The following AHDC1 variants were observed in gnomAD, a reference collection of about 807,000 sequenced individuals.
AHDC1 encodes transcription factor Gibbin.
Under a neutral mutation model 87.9 loss-of-function variants are expected in AHDC1, and 7 were observed. The ratio of observed to expected loss-of-function variants is 0.08; its 90% CI spans 0.05 to 0.15. The LOEUF is 0.15. AHDC1 is among the 10% of genes least tolerant of loss of function. The probability of loss-of-function intolerance (pLI) is 1.00; values close to 1 mark genes in which losing one functional copy is unlikely to be tolerated. For synonymous variants in AHDC1, 1,051 were observed against 1,006.8 expected, an observed-to-expected ratio of 1.04 and a Z score of -0.83; for missense variants, 1,841 against 2,253.2, an observed-to-expected ratio of 0.82 and a Z score of 3.70.
chr1:27,547,544 G>A lies in AHDC1; in HGVS notation c.4572C>T (p.Pro1524=). Residue 1524 remains proline (P), a synonymous_variant, in exon 8 of 9, where the codon CCC becomes CCT. Coordinates refer to ENST00000673934, the MANE Select transcript of AHDC1 (RefSeq NM_001371928.1). The surrounding 1 kb of genome is among the most constrained non-coding windows in gnomAD (Gnocchi z 4.9). ...CAGCAGGGCCACGGGGTGGGCCAGG[G>A]GGCCGGGCCATTTCCAGTGGCTCCT... is the stretch of plus-strand genomic sequence containing the variant. ...ADKEPLEMAR[P]PGPPRGPAAA... 1 of 1,611,332 alleles carries A rather than the reference G, an allele frequency of 6.2e-7. No individual in the cohort carries two copies. Among genetic ancestry groups the A allele is most frequent in the East Asian group, 2.2e-5 (1 of 44,842 alleles).
At chr1:27,541,532 T>C (rs2018918528) in intron 8 of AHDC1, among the ~76,000 whole-genome samples, 1 of 151,986 alleles carries the variant, frequency 6.6e-6, no homozygotes, top group Non-Finnish European at 1.5e-5. Flanking sequence ...TTGGCCAGGC[T>C]GGTCTCAAAC....
chr1:27,589,942 G>C (rs2089177407), intron 3 of AHDC1, among the ~76,000 whole-genome samples: 1 of 151,714 alleles, frequency 6.6e-6, no homozygotes, highest in Non-Finnish European at 1.5e-5. Flanking sequence ...TGCTGCACCA[G>C]GCTCATTCTG....
In AHDC1 at chr1:27,550,952, A is replaced by T. The variant is rs749604308; in HGVS notation, c.1164T>A (p.Asp388Glu). The change falls in exon 8 of 9, where the codon GAT (aspartate) becomes GAA (glutamate). Residue 388 changes from aspartate (D) to glutamate (E), a missense_variant. Asp to Glu is a conservative substitution (Grantham distance 45). Transcript: ENST00000673934. ...GCCGGCGACACAGGATCTTTGGCCT[A>T]TCAGTGCGCCGCAAGGCGTACTTGG... ...GHPKYALRRTDRPKILCRRRK... is the reference protein window; with the variant it reads ...GHPKYALRRTERPKILCRRRK... 11 of 1,598,588 alleles carry T rather than the reference A, an allele frequency of 6.9e-6. No individual in the cohort carries two copies. Among genetic ancestry groups the T allele is most frequent in the Non-Finnish European group, 9.3e-6 (11 of 1,178,392 alleles).
rs2020281553 is a variant in AHDC1, at chr1:27,565,544, ATTCTGTC to A, written c.-628-6668_-628-6662del. ...GATTCCACCCATGCCCTGGACAAAC[ATTCTGTC>A]TGGTGTCCCCCGGCGCTGGTGAGCA... On this transcript the variant is annotated intron_variant, in intron 3 of 8. Coordinates refer to ENST00000673934, the MANE Select transcript of AHDC1 (RefSeq NM_001371928.1). The surrounding 1 kb of genome is among the most constrained non-coding windows in gnomAD (Gnocchi z 4.6). 6.6e-6 allele frequency among the ~76,000 whole-genome samples: 1 copy of A among 152,168 alleles called. No homozygotes were observed. The highest frequency in any genetic ancestry group is 6.5e-5 in the Admixed American group (1 of 15,286).
At position 27,549,272 on chromosome 1, in the gene AHDC1, C is replaced by T. The variant is rs1557661161; in HGVS notation, c.2844G>A (p.Val948=). The part of the protein sequence containing the change: ...CRAAETFPKL[V]PPPSAMARSP... ...AGCGGGCCATGGCTGAGGGCGGGGG[C>T]ACCAGCTTGGGGAAGGTCTCGGCTG... The change falls in exon 8 of 9, where the codon GTG becomes GTA. Residue 948 remains valine (V), a synonymous_variant. Coordinates refer to ENST00000673934, the MANE Select transcript of AHDC1 (RefSeq NM_001371928.1). 2 of 1,603,328 alleles carry T rather than the reference C, an allele frequency of 1.2e-6. No homozygotes were observed. Among genetic ancestry groups the T allele is most frequent in the Non-Finnish European group, 1.7e-6 (2 of 1,172,942 alleles).
intron 3 of AHDC1, among the ~76,000 whole-genome samples, chr1:27,581,837 C>T (rs2088917290): frequency 6.6e-6 from 1 of 152,240 alleles, no homozygotes; most frequent in Admixed American, 6.5e-5. Context: ...GCCCCACCAA[C>T]CTCCTGGCTG....
chr1:27,553,227 T>TGC (rs2019658158), intron 5 of AHDC1, 42 bp from the exon 6 acceptor site: 1 of 152,598 alleles, frequency 6.6e-6, no homozygotes, highest in Admixed American at 6.5e-5. Flanking sequence ...GAGCACCTAC[T>TGC]GCGCGCCAGG....
Position 27,550,523 on chromosome 1 carries a change from T to C in AHDC1, c.1593A>G (p.Val531=). 1 of 1,610,958 alleles carries C rather than the reference T, an allele frequency of 6.2e-7. No homozygotes were observed. Among genetic ancestry groups the C allele is most frequent in the South Asian group, 1.1e-5 (1 of 91,042 alleles). ...GCATCTCACCGGGTGGGAAGACCAC[T>C]ACCACGTTCCGCCCATTGTTCTTCA... ...LKMKNNGRNV[V]VVFPPGEMPI... The change falls in exon 8 of 9, where the codon GTA becomes GTG. Residue 531 remains valine, a synonymous_variant. Transcript: ENST00000673934.
In AHDC1 at chr1:27,547,183, C is replaced by T. The variant is rs2019206163; in HGVS notation, c.*43+78G>A. 1.9e-6 allele frequency: 2 copies of T among 1,067,142 alleles called. No individual in the cohort carries two copies. Among genetic ancestry groups the T allele is most frequent in the Admixed American group, 2.4e-5 (1 of 41,976 alleles). 66.1% of individuals were successfully genotyped at this position (1,067,142 alleles called of 1,614,324 possible). A position where few individuals can be genotyped will look rare whatever the true frequency, so the allele number is the denominator to read the frequency against. On this transcript the variant is annotated intron_variant, in intron 8 of 8. Coordinates refer to ENST00000673934, the MANE Select transcript of AHDC1 (RefSeq NM_001371928.1). This position sits in a 1 kb window ranked among gnomAD's most constrained non-coding sequence, Gnocchi z 4.9. ...TGCATTTGCTTCCTGCACTCCATAC[C>T]TCTGTCCTTGCCTAAGCTCTGATGT...
intron 8 of AHDC1, among the ~76,000 whole-genome samples, chr1:27,541,230 G>A (rs1462434113): frequency 2.0e-5 from 3 of 152,164 alleles, no homozygotes; most frequent in Non-Finnish European, 2.9e-5. Context: ...TGCTCACAAC[G>A]GTTTTAGAGG....
Position 27,549,665 on chromosome 1 carries a change from G to A in AHDC1, c.2451C>T (p.Tyr817=), listed in dbSNP as rs1263801890. The A allele has an allele frequency of 3.1e-6, 5 of 1,613,030 alleles. No homozygotes were observed. The highest frequency in any genetic ancestry group is 1.3e-5 in the African/African-American group (1 of 74,940). ...ESGASGRGSY[Y]STGAPSGQTE... Reference sequence around the variant, plus strand: ...TCTGGCCTGAGGGTGCACCCGTGCTGTAGTAGCTGCCACGGCCTGAGGCTC... The same window carrying A: ...TCTGGCCTGAGGGTGCACCCGTGCTATAGTAGCTGCCACGGCCTGAGGCTC... The change falls in exon 8 of 9, where the codon TAC becomes TAT. Residue 817 remains tyrosine, a synonymous_variant. Transcript: ENST00000673934.
Position 27,548,485 on chromosome 1 carries a change from C to T in AHDC1, c.3631G>A (p.Ala1211Thr), listed in dbSNP as rs777977932. 1.2e-6 allele frequency: 2 copies of T among 1,613,892 alleles called. No homozygotes were observed. Among genetic ancestry groups the T allele is most frequent in the African/African-American group, 2.7e-5 (2 of 75,064 alleles). ...LEKLMMDWNEASSAPGYNWNQ... is the reference protein window; with the variant it reads ...LEKLMMDWNETSSAPGYNWNQ... ...CAGTTGTAGCCGGGGGCAGATGATG[C>T]CTCGTTCCAGTCCATCATCAGTTTC... The change falls in exon 8 of 9, where the codon GCA (alanine) becomes ACA (threonine). Residue 1211 changes from alanine (A) to threonine (T), a missense_variant. Ala to Thr is a moderately conservative substitution (Grantham distance 58). Around this residue, in one of 13 missense-constraint regions of AHDC1, gnomAD observed 505 missense variants for 626.2 expected, o/e 0.81. Coordinates refer to ENST00000673934, the MANE Select transcript of AHDC1 (RefSeq NM_001371928.1).
chr1:27,551,329 CCTGGGCCTCTAGCAG>C lies in AHDC1; in HGVS notation c.772_786del (p.Leu258_Gln262del), dbSNP rs1358713086. 1.2e-6 allele frequency: 2 copies of C among 1,612,898 alleles called. No homozygotes were observed. Among genetic ancestry groups the C allele is most frequent in the African/African-American group, 1.3e-5 (1 of 74,936 alleles). On this transcript the variant is annotated inframe_deletion, in exon 8 of 9. Coordinates refer to ENST00000673934, the MANE Select transcript of AHDC1 (RefSeq NM_001371928.1). ...GGCTCGGGCGATGGTGGCTCGAGGG[CCTGGGCCTCTAGCAG>C]CTGGGCCTCTGGGCAAGTGAGGGAG...
chr1:27,598,294 G>T lies in AHDC1; in HGVS notation c.-629+5103C>A, dbSNP rs1459413096. The stretch of plus-strand genomic sequence containing the variant: ...AGGGCCTCATTGCAGTTGGGTTTGT[G>T]TGTGTGGTGGAGGGGGCTGGAAGGG... On this transcript the variant is annotated intron_variant, in intron 3 of 8. Coordinates refer to ENST00000673934, the MANE Select transcript of AHDC1 (RefSeq NM_001371928.1). The surrounding 1 kb of genome is among the most constrained non-coding windows in gnomAD (Gnocchi z 4.2). 3.3e-5 allele frequency among the ~76,000 whole-genome samples: 5 copies of T among 152,226 alleles called. No homozygotes were observed. Among genetic ancestry groups the T allele is most frequent in the Non-Finnish European group, 7.3e-5 (5 of 68,030 alleles).
rs759497661 is a variant in AHDC1, at chr1:27,548,178, C to T, written c.3938G>A (p.Gly1313Asp). 1.2e-6 allele frequency: 2 copies of T among 1,613,734 alleles called. No homozygotes were observed. The highest frequency in any genetic ancestry group is 1.7e-6 in the Non-Finnish European group (2 of 1,180,038). ...GCTGTCCCCGCTATAGTAGTCCAGGCCGAGGTCAGGACTGTCCTGGAACAG... is the reference window on the plus strand; with the variant it reads ...GCTGTCCCCGCTATAGTAGTCCAGGTCGAGGTCAGGACTGTCCTGGAACAG... Reference protein sequence around the residue: ...NPLFQDSPDLGLDYYSGDSSM... With the variant: ...NPLFQDSPDLDLDYYSGDSSM... Residue 1313 changes from glycine (G) to aspartate (D), a missense_variant, in exon 8 of 9, where the codon GGC (glycine) becomes GAC (aspartate). Transcript: ENST00000673934.
At chr1:27,602,619 AGG>A (rs879307066) in intron 3 of AHDC1, among the ~76,000 whole-genome samples, 2 of 152,154 alleles carry the variant, frequency 1.3e-5, no homozygotes, top group African/African-American at 4.8e-5. Context: ...CTCCCTGCCT[AGG>A]GGGCTGACAG....
intron 3 of AHDC1, among the ~76,000 whole-genome samples, chr1:27,577,688 G>C (rs1275371207): frequency 6.6e-6 from 1 of 152,218 alleles, no homozygotes; most frequent in African/African-American, 2.4e-5. Context: ...TTTCCACAGA[G>C]TCAGTCCAGG....
At chr1:27,542,126 G>A (rs2018951983) in intron 8 of AHDC1, among the ~76,000 whole-genome samples, 1 of 152,198 alleles carries the variant, frequency 6.6e-6, no homozygotes, top group South Asian at 2.1e-4. Flanking sequence ...TGGCAGCAAA[G>A]GTTATGCTGA....
At chr1:27,594,946 C>A (rs1417218703) in intron 3 of AHDC1, among the ~76,000 whole-genome samples, 1 of 151,860 alleles carries the variant, frequency 6.6e-6, no homozygotes, top group Non-Finnish European at 1.5e-5. Context: ...AGGGGTGTCC[C>A]TGGGCCCTTA....
Sources: allele counts gnomAD v4.1 joint callset (sites outside exome capture counted in the v4.1 genomes callset), GRCh38; gene constraint gnomAD v4.1.1; regional missense constraint gnomAD v4.1.1; non-coding constraint Gnocchi (gnomAD v3.1); transcripts MANE v1.5; gene names NCBI Gene and HGNC (gene_info 2026-07-23, HGNC 2026-07-21).